Variants in SLCO4C1 observed in about 807,000 individuals in gnomAD.
SLCO4C1 encodes organic anion transporter M1.
A neutral mutation model predicts 72.1 loss-of-function variants in SLCO4C1; 58 were observed. The observed-to-expected ratio is 0.80, with a 90% CI of 0.65 to 1.00. The LOEUF is 1.00. Ranked by LOEUF, SLCO4C1 falls within the 50% of genes least tolerant of loss-of-function variation. SLCO4C1 has a pLI of 0.00. For missense variants in SLCO4C1, 898 were observed against 857.9 expected (o/e 1.05, Z -0.58); for synonymous variants, 297 against 312.5 (o/e 0.95, Z 0.52).
At chr5:102,293,263 A>T (rs1749588211) in intron 1 of SLCO4C1, among the ~76,000 whole-genome samples, 1 of 152,148 alleles carries the variant, frequency 6.6e-6, no homozygotes, top group African/African-American at 2.4e-5. Flanking sequence ...AATAAAATCA[A>T]CTTCCCTATC....
chr5:102,280,109 A>AAG (rs1554059057), intron 2 of SLCO4C1, among the ~76,000 whole-genome samples: 1 of 135,372 alleles, frequency 7.4e-6, no homozygotes, highest in Non-Finnish European at 1.7e-5. Context: ...AAAAAAAAAA[A>AAG]AAAAAAAGAG....
At chr5:102,271,668 C>G (rs1749154952) in intron 2 of SLCO4C1, among the ~76,000 whole-genome samples, 1 of 151,710 alleles carries the variant, frequency 6.6e-6, no homozygotes, top group Non-Finnish European at 1.5e-5. Flanking sequence ...AAGCATTTTT[C>G]CATACATTTA....
chr5:102,238,239 C>G (rs1177030854), intron 12 of SLCO4C1, among the ~76,000 whole-genome samples: 1 of 151,934 alleles, frequency 6.6e-6, no homozygotes, highest in Non-Finnish European at 1.5e-5. Context: ...TTTGTTCTAT[C>G]TATATCTTTG....
At chr5:102,245,214 T>C (rs1169171977) in intron 10 of SLCO4C1, among the ~76,000 whole-genome samples, 1 of 152,086 alleles carries the variant, frequency 6.6e-6, no homozygotes, top group South Asian at 2.1e-4. Flanking sequence ...ACACTGAATC[T>C]AAAAGAACTA....
intron 3 of SLCO4C1, among the ~76,000 whole-genome samples, chr5:102,268,007 C>T (rs368757131): frequency 2.9e-4 from 44 of 152,180 alleles, no homozygotes; most frequent in African/African-American, 9.6e-4. Context: ...TTTGTGGCTT[C>T]ATATGGTCTA....
At chr5:102,276,968 G>A (rs147403830) in intron 2 of SLCO4C1, among the ~76,000 whole-genome samples, 15 of 152,084 alleles carry the variant, frequency 9.9e-5, no homozygotes, top group African/African-American at 3.4e-4. Context: ...ATCCATTGCC[G>A]CTCCTTAGTT....
At chr5:102,275,476 G>A (rs1580260711) in intron 2 of SLCO4C1, among the ~76,000 whole-genome samples, 1 of 152,142 alleles carries the variant, frequency 6.6e-6, no homozygotes, top group Non-Finnish European at 1.5e-5. Flanking sequence ...AAGTATGTAT[G>A]TAAATCTCTA....
At chr5:102,258,173 C>A in intron 6 of SLCO4C1, 86 bp from the exon 7 acceptor site, 3 of 1,056,024 alleles carry the variant, frequency 2.8e-6, no homozygotes, top group East Asian at 2.9e-5. Flanking sequence ...GATGAAATAA[C>A]AAAATTTTAC....
chr5:102,261,489 G>T lies in SLCO4C1; in HGVS notation c.1021+423C>A, dbSNP rs564263334. 5.3e-5 allele frequency among the ~76,000 whole-genome samples: 8 copies of T among 149,582 alleles called. No individual in the cohort carries two copies. In the South Asian group the frequency reaches 1.7e-3, roughly 32 times the overall value. ...AAAAAAAAAAAGTACGCTACGGAATGACTTCAGTGATAACTTAAAAAAAAA... is the reference window on the plus strand; with the variant it reads ...AAAAAAAAAAAGTACGCTACGGAATTACTTCAGTGATAACTTAAAAAAAAA... On this transcript the variant is annotated intron_variant, in intron 5 of 12. Transcript: ENST00000310954.
At chr5:102,287,534 C>CTTTTT (rs148132091) in intron 2 of SLCO4C1, among the ~76,000 whole-genome samples, 79 of 79,942 alleles carry the variant, frequency 9.9e-4, no homozygotes, top group Non-Finnish European at 1.3e-3. Context: ...TTTTTCACTT[C>CTTTTT]TTTTTTTTTT....
rs77374086 is a variant in SLCO4C1 at position 102,278,760 on chromosome 5, A to G, written c.620-7954T>C. Among the ~76,000 whole-genome samples the G allele has an allele frequency of 4.9e-3, 750 of 152,198 alleles. 3 individuals carry two copies. Among genetic ancestry groups the G allele is most frequent in the African/African-American group, 0.017 (711 of 41,554 alleles). On this transcript the variant is annotated intron_variant, in intron 2 of 12. Coordinates refer to ENST00000310954, the MANE Select transcript of SLCO4C1 (RefSeq NM_180991.5). ...TCAAATAATCTATGGGTCAAAAAGG[A>G]AGTCTCTAAGGAAATAAAAAAATTC...
At position 102,260,224 on chromosome 5, in the gene SLCO4C1, C is replaced by G. The variant is rs755545121; in HGVS notation, c.1117G>C (p.Ala373Pro). 2 of 1,361,468 alleles carry G rather than the reference C, an allele frequency of 1.5e-6. No homozygotes were observed. The highest frequency in any genetic ancestry group is 1.9e-6 in the Non-Finnish European group (2 of 1,037,618). The allele number at this position is 1,361,468 out of a possible 1,614,324, so 84.3% of individuals were successfully genotyped here. A position where few individuals can be genotyped will look rare whatever the true frequency, so the allele number is the denominator to read the frequency against. Residue 373 changes from alanine (A) to proline (P), a missense_variant, in exon 6 of 13, where the codon GCT (alanine) becomes CCT (proline). Physicochemically the swap from Ala to Pro is conservative, Grantham distance 27 (BLOSUM62 -1). Coordinates refer to ENST00000310954, the MANE Select transcript of SLCO4C1 (RefSeq NM_180991.5). ...GAATTTTATTTTACCTTTAGAGCAG[C>G]TGGAAAATCTTTAATACTTTTTCCA... ...KFGKSIKDFP[A>P]ALKNLMKNAV...
chr5:102,245,504 T>C (rs1439536614), intron 10 of SLCO4C1, among the ~76,000 whole-genome samples: 1 of 152,116 alleles, frequency 6.6e-6, no homozygotes, highest in Non-Finnish European at 1.5e-5. Flanking sequence ...CAATTTTAAA[T>C]ATATATGTAG....
chr5:102,268,410 A>G (rs1461404662), intron 3 of SLCO4C1, among the ~76,000 whole-genome samples: 3 of 152,144 alleles, frequency 2.0e-5, no homozygotes, highest in African/African-American at 7.2e-5. Context: ...TAATTTAAAT[A>G]TAGCTACTGC....
chr5:102,245,147 AAAGTT>A (rs1248394763), intron 10 of SLCO4C1, among the ~76,000 whole-genome samples: 1 of 152,184 alleles, frequency 6.6e-6, no homozygotes, highest in Non-Finnish European at 1.5e-5. Flanking sequence ...GCCAGGGGAC[AAAGTT>A]AAGGTGTAGA....
chr5:102,240,520 T>C (rs1748518027), intron 11 of SLCO4C1, among the ~76,000 whole-genome samples, 198 bp downstream of exon 11: 1 of 152,096 alleles, frequency 6.6e-6, no homozygotes, highest in African/African-American at 2.4e-5. Context: ...TTGGAACAGG[T>C]AACCAGTCAG....
intron 2 of SLCO4C1, among the ~76,000 whole-genome samples, chr5:102,285,022 CCA>C (rs537544974): frequency 4.3e-4 from 65 of 152,154 alleles, no homozygotes; most frequent in African/African-American, 1.5e-3. Flanking sequence ...CTCTCTATAT[CCA>C]CAGTTAGAAG....
intron 5 of SLCO4C1, among the ~76,000 whole-genome samples, chr5:102,260,884 G>A (rs1248354749): frequency 1.3e-5 from 2 of 152,040 alleles, no homozygotes; most frequent in African/African-American, 4.8e-5. Flanking sequence ...GAATGGCTCA[G>A]GGTAGAAAGA....
chr5:102,252,574 C>A (rs1385194610), intron 8 of SLCO4C1, among the ~76,000 whole-genome samples: 1 of 152,120 alleles, frequency 6.6e-6, no homozygotes, highest in East Asian at 1.9e-4. Flanking sequence ...ACCATCCCTG[C>A]AACTCTAGAA....
Sources: allele counts gnomAD v4.1 joint callset (sites outside exome capture counted in the v4.1 genomes callset), GRCh38; gene constraint gnomAD v4.1.1; transcripts MANE v1.5; gene names NCBI Gene and HGNC (gene_info 2026-07-23, HGNC 2026-07-21).